Variants in TAFA5 observed in about 807,000 individuals in gnomAD.
The protein encoded by TAFA5 is TAFA chemokine like family member 5.
In TAFA5, 6 loss-of-function variants were observed where a neutral mutation model predicts 15.3. The ratio of observed to expected loss-of-function variants is 0.39; its 90% CI spans 0.21 to 0.77. The LOEUF (loss-of-function observed/expected upper bound fraction) is 0.77, where lower values mean the gene tolerates loss of function less well. TAFA5 is among the 30% of genes least tolerant of loss of function. The pLI, the probability that TAFA5 is intolerant of heterozygous loss-of-function variation, is 0.41. For synonymous variants in TAFA5, 103 were observed against 80.7 expected (o/e 1.28, Z -1.48); for missense variants, 161 against 193.1 (o/e 0.83, Z 0.98).
chr22:48,717,612 G>T (rs1379776299), intron 3 of TAFA5, among the ~76,000 whole-genome samples: 1 of 152,254 alleles, frequency 6.6e-6, no homozygotes, highest in African/African-American at 2.4e-5. Context: ...GGCCGAGCCA[G>T]CACTGCCTCA....
chr22:48,632,447 CCA>C (rs1354184857), intron 1 of TAFA5, among the ~76,000 whole-genome samples: 1 of 152,182 alleles, frequency 6.6e-6, no homozygotes, highest in African/African-American at 2.4e-5. Context: ...GGGGTGGGGT[CCA>C]GAGTTACACC....
chr22:48,744,303 T>G (rs1046710063), intron 3 of TAFA5, among the ~76,000 whole-genome samples: 2 of 152,120 alleles, frequency 1.3e-5, no homozygotes, highest in African/African-American at 4.8e-5. Context: ...GGCTCCAAGG[T>G]GGGGGCCACA....
Position 48,566,836 on chromosome 22 carries a change from C to T in TAFA5, c.112+77132C>T, listed in dbSNP as rs1280868013. Among the ~76,000 whole-genome samples the T allele has an allele frequency of 6.6e-6, 1 of 152,190 alleles. No homozygotes were observed. Among genetic ancestry groups the T allele is most frequent in the Admixed American group, 6.5e-5 (1 of 15,288 alleles). ...TTTTCAAAGCCCTGGGTCCATGCAG[C>T]CCTTGTGGTTCTGCAGCTTTTTTGC... On this transcript the variant is annotated intron_variant, in intron 1 of 3. Coordinates refer to ENST00000402357, the MANE Select transcript of TAFA5 (RefSeq NM_001082967.3). This position sits in a 1 kb window ranked among gnomAD's most constrained non-coding sequence, Gnocchi z 4.5.
chr22:48,671,411 A>T (rs1927801101), intron 2 of TAFA5, among the ~76,000 whole-genome samples: 1 of 152,166 alleles, frequency 6.6e-6, no homozygotes, highest in South Asian at 2.1e-4. Context: ...TTCTCAGCCG[A>T]AAGTGGTGCT....
intron 2 of TAFA5, among the ~76,000 whole-genome samples, chr22:48,655,985 C>A (rs951953316): frequency 2.7e-5 from 4 of 150,724 alleles, no homozygotes; most frequent in African/African-American, 7.4e-5. Context: ...ATTACAGGCG[C>A]CTGCCACTAC....
At chr22:48,495,839 A>T (rs1928305638) in intron 1 of TAFA5, among the ~76,000 whole-genome samples, 1 of 152,066 alleles carries the variant, frequency 6.6e-6, no homozygotes, top group South Asian at 2.1e-4. Context: ...CACCACACTC[A>T]GGGCGCCCAA....
chr22:48,517,439 C>T (rs1304665872), intron 1 of TAFA5, among the ~76,000 whole-genome samples: 1 of 152,194 alleles, frequency 6.6e-6, no homozygotes, highest in Non-Finnish European at 1.5e-5. Flanking sequence ...GGGACACGCC[C>T]ATGCCCTGCC....
At chr22:48,648,292 G>A (rs1926935473) in intron 2 of TAFA5, among the ~76,000 whole-genome samples, 2 of 152,136 alleles carry the variant, frequency 1.3e-5, no homozygotes, top group South Asian at 4.1e-4. Flanking sequence ...TCCTGACTCT[G>A]GTCAAGGGTC....
chr22:48,702,023 C>T (rs995326194), intron 2 of TAFA5, among the ~76,000 whole-genome samples: 2 of 152,140 alleles, frequency 1.3e-5, no homozygotes, highest in African/African-American at 4.8e-5. Flanking sequence ...AGGAGCCAAG[C>T]CCTTCTGTAG....
chr22:48,724,545 G>A (rs1471127724), intron 3 of TAFA5, among the ~76,000 whole-genome samples: 2 of 152,234 alleles, frequency 1.3e-5, no homozygotes, highest in African/African-American at 4.8e-5. Context: ...CCTCTGCCCA[G>A]TGTCCAGTTT....
intron 1 of TAFA5, among the ~76,000 whole-genome samples, chr22:48,637,371 C>T (rs1196967107): frequency 3.3e-5 from 5 of 152,156 alleles, no homozygotes; most frequent in African/African-American, 1.2e-4. Flanking sequence ...GGCTGGTCTC[C>T]GCCCCGGAGC....
At chr22:48,695,965 C>T (rs2147242106) in intron 2 of TAFA5, among the ~76,000 whole-genome samples, 1 of 152,300 alleles carries the variant, frequency 6.6e-6, no homozygotes, top group East Asian at 1.9e-4. Flanking sequence ...CGCAGAGGGT[C>T]AGCACTCGAG....
At chr22:48,739,898 G>A (rs1380980517) in intron 3 of TAFA5, among the ~76,000 whole-genome samples, 1 of 152,170 alleles carries the variant, frequency 6.6e-6, no homozygotes, top group African/African-American at 2.4e-5. Flanking sequence ...ATGGTCTATG[G>A]CAGCAATCTG....
intron 1 of TAFA5, among the ~76,000 whole-genome samples, chr22:48,623,297 G>A (rs543399871): frequency 5.8e-5 from 8 of 137,314 alleles, no homozygotes; most frequent in Middle Eastern, 3.9e-3. Flanking sequence ...GTGGCCCTGC[G>A]CGGTGACCTG....
At chr22:48,512,943 AAGAGAG>A (rs72317049) in intron 1 of TAFA5, among the ~76,000 whole-genome samples, 2 of 116,138 alleles carry the variant, frequency 1.7e-5, no homozygotes, top group Non-Finnish European at 3.5e-5. Flanking sequence ...AAAAAAAAAA[AAGAGAG>A]AGAGAGAGAG....
At chr22:48,494,746 T>C (rs541921151) in intron 1 of TAFA5, among the ~76,000 whole-genome samples, 2 of 152,312 alleles carry the variant, frequency 1.3e-5, no homozygotes, top group East Asian at 3.9e-4. Context: ...CGCCCTAGAA[T>C]GTGCTAAGAC....
intron 2 of TAFA5, among the ~76,000 whole-genome samples, chr22:48,689,329 C>T (rs529870004): frequency 6.6e-6 from 1 of 152,272 alleles, no homozygotes; most frequent in African/African-American, 2.4e-5. Context: ...CACCTGCAAA[C>T]CCCACATCTC....
At chr22:48,645,236 T>C (rs1926821635) in intron 1 of TAFA5, among the ~76,000 whole-genome samples, 1 of 151,604 alleles carries the variant, frequency 6.6e-6, no homozygotes, top group East Asian at 1.9e-4. Flanking sequence ...AGCTCCATCC[T>C]GCCCTGGGGA....
At chr22:48,673,901 C>T (rs1281040064) in intron 2 of TAFA5, among the ~76,000 whole-genome samples, 2 of 152,106 alleles carry the variant, frequency 1.3e-5, no homozygotes, top group East Asian at 3.9e-4. Flanking sequence ...GGGTATAGCT[C>T]TGTAGATACT....
Sources: gnomAD v4.1 joint callset for allele counts (sites outside exome capture counted in the v4.1 genomes callset) on GRCh38, gnomAD v4.1.1 for gene constraint, Gnocchi (gnomAD v3.1) non-coding constraint, MANE v1.5 for transcripts, NCBI Gene and HGNC (gene_info 2026-07-23, HGNC 2026-07-21) for gene names.